Variants in LRP2 observed in about 807,000 individuals in gnomAD.
The protein encoded by LRP2 is LDL receptor related protein 2.
In LRP2, 172 loss-of-function variants were observed where a neutral mutation model predicts 531.0. That is an observed-to-expected ratio of 0.32 (90% CI 0.29 to 0.37). The LOEUF is 0.37. Ranked by LOEUF, LRP2 falls within the 10% of genes least tolerant of loss-of-function variation. The pLI is 1.00. For missense variants in LRP2, 5,167 were observed against 5,868.3 expected (o/e 0.88, Z 3.90); for synonymous variants, 1,992 against 2,027.6 (o/e 0.98, Z 0.47).
chr2:169,296,523 A>C (rs1684137697), intron 4 of LRP2, among the ~76,000 whole-genome samples: 1 of 152,030 alleles, frequency 6.6e-6, no homozygotes, highest in Non-Finnish European at 1.5e-5. Flanking sequence ...CCTGTGAGCC[A>C]GATAGCTCCT....
intron 4 of LRP2, among the ~76,000 whole-genome samples, chr2:169,299,131 G>GAAGGAAAT (rs1684214781): frequency 1.4e-5 from 1 of 72,038 alleles, no homozygotes; most frequent in African/African-American, 4.9e-5. Context: ...AAGAAAGAAA[G>GAAGGAAAT]AAAGAAAGAA....
chr2:169,193,765 C>T lies in LRP2; in HGVS notation c.8826G>A (p.Gln2942=), dbSNP rs778756409. Reference sequence around the variant, plus strand: ...GAATTAATTGGCTTCACTTACGACACTGGTGCCTTTTATCCTCGTCACTCA... The same window carrying T: ...GAATTAATTGGCTTCACTTACGACATTGGTGCCTTTTATCCTCGTCACTCA... The part of the protein sequence containing the change: ...GDMSDEDKRH[Q]CQNQNCSDSE... The change falls in exon 47 of 79, where the codon CAG becomes CAA. Residue 2942 remains glutamine, a synonymous_variant. Coordinates refer to ENST00000649046, the MANE Select transcript of LRP2 (RefSeq NM_004525.3). 6.2e-7 allele frequency: 1 copy of T among 1,614,224 alleles called. No individual in the cohort carries two copies.
rs541502677 is a variant in LRP2 at position 169,193,990 on chromosome 2, A to T, written c.8699-98T>A. On this transcript the variant is annotated intron_variant, in intron 46 of 78. Transcript: ENST00000649046. ...TAGCATGGGTTGTCTAGAAAACCTG[A>T]AACAGAGCATTATTTAATTATATAC... 2.0e-4 allele frequency: 266 copies of T among 1,310,260 alleles called. 1 individual carries two copies. In the African/African-American group the frequency reaches 3.3e-3, roughly 16 times the overall value. The allele number at this position is 1,310,260 out of a possible 1,614,324, so 81.2% of individuals were successfully genotyped here. A position where few individuals can be genotyped will look rare whatever the true frequency, so the allele number is the denominator to read the frequency against.
intron 4 of LRP2, among the ~76,000 whole-genome samples, chr2:169,304,690 A>C (rs1052842036): frequency 6.6e-6 from 1 of 152,206 alleles, no homozygotes; most frequent in African/African-American, 2.4e-5. Context: ...AATTCTTTGC[A>C]TAATTTCCAG....
Position 169,308,430 on chromosome 2 carries a change from C to T in LRP2, c.311-1033G>A, listed in dbSNP as rs150179865. Among the ~76,000 whole-genome samples, 1,318 of 152,148 alleles carry T rather than the reference C, an allele frequency of 8.7e-3. 14 individuals carry two copies. The highest frequency in any genetic ancestry group is 0.029 in the African/African-American group (1,208 of 41,518). On this transcript the variant is annotated intron_variant, in intron 3 of 78. Transcript: ENST00000649046. ...ATGTTCCCCATCCTGTGTCCAGGTG[C>T]TCTCATTGTTCAATTCCCACCTATG...
At position 169,244,663 on chromosome 2, in the gene LRP2, C is replaced by A. The variant is rs769111516; in HGVS notation, c.3430+30G>T. The A allele has an allele frequency of 1.7e-5, 28 of 1,614,002 alleles. No homozygotes were observed. The South Asian group carries it at 2.4e-4, about 14-fold the overall frequency. On this transcript the variant is annotated intron_variant, in intron 22 of 78. Coordinates refer to ENST00000649046, the MANE Select transcript of LRP2 (RefSeq NM_004525.3). ...TGTTGAAGTCTATTTACGAGGCTGA[C>A]CAACCAAGGGAAACCAGCTCAAAAC... is the stretch of plus-strand genomic sequence containing the variant.
chr2:169,224,212 A>C (rs1689119818), intron 33 of LRP2, among the ~76,000 whole-genome samples: 1 of 152,248 alleles, frequency 6.6e-6, no homozygotes, highest in Non-Finnish European at 1.5e-5. Flanking sequence ...CCGTCTTGCC[A>C]GCTGGTGCCC....
intron 50 of LRP2, among the ~76,000 whole-genome samples, chr2:169,185,050 T>G (rs1205729012): frequency 1.3e-5 from 2 of 152,170 alleles, no homozygotes; most frequent in African/African-American, 4.8e-5. Context: ...CGTGAGCCAC[T>G]GCCCCCGGCC....
chr2:169,167,253 T>G (rs1281949320), intron 61 of LRP2, among the ~76,000 whole-genome samples: 2 of 152,192 alleles, frequency 1.3e-5, no homozygotes, highest in African/African-American at 4.8e-5. Flanking sequence ...AAGAAAAATG[T>G]TGGGATGCAA....
rs547395316 is a variant in LRP2, at chr2:169,358,577, G to A, written c.79+3744C>T. Among the ~76,000 whole-genome samples the A allele has an allele frequency of 2.6e-4, 40 of 152,278 alleles. No individual in the cohort carries two copies. The South Asian group carries it at 5.0e-3, about 19-fold the overall frequency. ...TCCAGAGTTGTGATGGAATAAAAACGATACAAGTTTGCTATTGCCCCCACA... is the reference window on the plus strand; with the variant it reads ...TCCAGAGTTGTGATGGAATAAAAACAATACAAGTTTGCTATTGCCCCCACA... On this transcript the variant is annotated intron_variant, in intron 1 of 78. Transcript: ENST00000649046.
intron 1 of LRP2, among the ~76,000 whole-genome samples, chr2:169,358,839 A>G (rs1182898252): frequency 6.6e-6 from 1 of 151,580 alleles, no homozygotes; most frequent in African/African-American, 2.4e-5. Context: ...TTTTTGAAAA[A>G]TAAGTTTTTT....
In LRP2 at chr2:169,336,557, C is replaced by CAG. The variant is rs576307035; in HGVS notation, c.80-15674_80-15673insCT. 2.4e-3 allele frequency among the ~76,000 whole-genome samples: 358 copies of CAG among 151,820 alleles called. 1 individual carries two copies. The highest frequency in any genetic ancestry group is 8.3e-3 in the African/African-American group (344 of 41,426). ...TCCATCACACACACACACACACACA[C>CAG]ACACACACGCACAGAGGAATGAAAT... On this transcript the variant is annotated intron_variant, in intron 1 of 78. Transcript: ENST00000649046.
chr2:169,304,064 G>A (rs1290829378), intron 4 of LRP2, among the ~76,000 whole-genome samples: 1 of 152,226 alleles, frequency 6.6e-6, no homozygotes, highest in Non-Finnish European at 1.5e-5. Flanking sequence ...AAAGTTGTGA[G>A]CCGGTTGTAT....
At chr2:169,259,786 C>T (rs750688780) in intron 16 of LRP2, among the ~76,000 whole-genome samples, 8 of 151,660 alleles carry the variant, frequency 5.3e-5, no homozygotes, top group Non-Finnish European at 1.2e-4. Flanking sequence ...AGTTATTATG[C>T]TTTCTTTTAC....
At chr2:169,317,391 A>G (rs954036292) in intron 3 of LRP2, among the ~76,000 whole-genome samples, 1 of 152,106 alleles carries the variant, frequency 6.6e-6, no homozygotes, top group Non-Finnish European at 1.5e-5. Flanking sequence ...TCTATTAAGA[A>G]CCTCCTCTCT....
At chr2:169,271,808 C>A in intron 15 of LRP2, 1 of 342,062 alleles carries the variant, frequency 2.9e-6, no homozygotes, top group Non-Finnish European at 4.1e-6. Context: ...TAATTAACAG[C>A]AATCAGAAAT....
At chr2:169,210,580 G>C (rs748186657) in intron 37 of LRP2, among the ~76,000 whole-genome samples, 7 of 152,172 alleles carry the variant, frequency 4.6e-5, no homozygotes, top group Non-Finnish European at 1.0e-4. Context: ...TCCTCAGTGT[G>C]GGATTCTCAA....
rs1221209322 is a variant in LRP2 at position 169,172,067 on chromosome 2, C to A, written c.11211G>T (p.Trp3737Cys). 6.2e-6 allele frequency: 10 copies of A among 1,614,212 alleles called. No homozygotes were observed. Among genetic ancestry groups the A allele is most frequent in the Non-Finnish European group, 8.5e-6 (10 of 1,180,026 alleles). Residue 3737 changes from tryptophan (W) to cysteine (C), a missense_variant, in exon 58 of 79, where the codon TGG (tryptophan) becomes TGT (cysteine). Coordinates refer to ENST00000649046, the MANE Select transcript of LRP2 (RefSeq NM_004525.3). ...CACAGTCATTTTGCCCATCACACTG[C>A]CAACGAAGAGGGATGCAGTGGTGAT... is the stretch of plus-strand genomic sequence containing the variant. ...CKNHHCIPLRWQCDGQNDCGD... is the reference protein window; with the variant it reads ...CKNHHCIPLRCQCDGQNDCGD...
rs1157664631 is a variant in LRP2 at position 169,154,618 on chromosome 2, A to C, written c.12152-15T>G. ...AGGAGAGCTACCTGTAAACAAACAA[A>C]GGGCTACTTTATCTGTTTGAATTAT... On this transcript the variant is annotated splice_polypyrimidine_tract_variant and intron_variant, in intron 65 of 78. Coordinates refer to ENST00000649046, the MANE Select transcript of LRP2 (RefSeq NM_004525.3). 2.5e-6 allele frequency: 4 copies of C among 1,612,790 alleles called. No individual in the cohort carries two copies. The South Asian group carries it at 4.4e-5, about 18-fold the overall frequency.
Sources: allele counts gnomAD v4.1 joint callset (sites outside exome capture counted in the v4.1 genomes callset), GRCh38; gene constraint gnomAD v4.1.1; transcripts MANE v1.5; gene names NCBI Gene and HGNC (gene_info 2026-07-23, HGNC 2026-07-21).